EML6: variants seen among roughly 807,000 people sequenced by gnomAD.
EML6 encodes the protein EMAP like 6, also known as echinoderm microtubule-associated protein-like 6.
In EML6, 154 loss-of-function variants were observed where a neutral mutation model predicts 240.1. The observed-to-expected ratio is 0.64, with a 90% CI of 0.56 to 0.73. EML6 has a LOEUF of 0.73. Among genes scored for constraint, EML6 ranks in the 30% least tolerant of loss-of-function variants. The probability of loss-of-function intolerance (pLI) is 0.00; values close to 1 mark genes in which losing one functional copy is unlikely to be tolerated. For missense variants in EML6, 2,964 were observed against 2,474.6 expected (o/e 1.20, Z -4.20); for synonymous variants, 1,148 against 899.0 (o/e 1.28, Z -4.95).
chr2:54,779,442 A>T (rs1668747692), intron 2 of EML6, among the ~76,000 whole-genome samples: 1 of 151,250 alleles, frequency 6.6e-6, no homozygotes, highest in Non-Finnish European at 1.5e-5. Flanking sequence ...GCTACTCTGG[A>T]GGCTGAGGCA....
At chr2:54,880,663 G>A (rs1009991069) in intron 17 of EML6, 5 of 152,090 alleles carry the variant, frequency 3.3e-5, no homozygotes, top group African/African-American at 1.2e-4. Flanking sequence ...CTGCCCAAGT[G>A]GTTTTTCTTC....
At chr2:54,913,106 C>G (rs1673731905) in intron 25 of EML6, among the ~76,000 whole-genome samples, 1 of 143,974 alleles carries the variant, frequency 6.9e-6, no homozygotes, top group Non-Finnish European at 1.5e-5. Context: ...TTAATAATAG[C>G]CATTCTGAAG....
chr2:54,827,212 C>G (rs1473383453), intron 5 of EML6, among the ~76,000 whole-genome samples: 1 of 150,866 alleles, frequency 6.6e-6, no homozygotes, highest in Non-Finnish European at 1.5e-5. Flanking sequence ...TACAATAAAC[C>G]TATACTACTT....
chr2:54,924,427 C>A (rs912653044), intron 26 of EML6, among the ~76,000 whole-genome samples: 1 of 152,054 alleles, frequency 6.6e-6, no homozygotes, highest in African/African-American at 2.4e-5. Flanking sequence ...TTTAAATTAT[C>A]TTTTCATTCT....
intron 38 of EML6, among the ~76,000 whole-genome samples, chr2:54,966,108 A>G (rs1676737048): frequency 1.3e-5 from 2 of 152,252 alleles, no homozygotes; most frequent in African/African-American, 4.8e-5. Context: ...CTTGCTCTAT[A>G]ACAGAGAAGA....
rs540341101 is a variant in EML6, at chr2:54,820,077, G to C, written c.457-317G>C. Among the ~76,000 whole-genome samples, 252 of 152,182 alleles carry C rather than the reference G, an allele frequency of 1.7e-3. 1 individual carries two copies. The highest frequency in any genetic ancestry group is 5.7e-3 in the African/African-American group (238 of 41,526). On this transcript the variant is annotated intron_variant, in intron 4 of 41. Coordinates refer to ENST00000356458, the MANE Select transcript of EML6 (RefSeq NM_001039753.4). ...AGTGTTAGCACTGTGGAGTGCTATT[G>C]AAAAATTTGATCAAAAATTTATCCT...
At chr2:54,895,798 T>G (rs1672732030) in intron 21 of EML6, among the ~76,000 whole-genome samples, 1 of 152,230 alleles carries the variant, frequency 6.6e-6, no homozygotes, top group Non-Finnish European at 1.5e-5. Flanking sequence ...TGCTGGCTGT[T>G]GGCCAGAGGC....
chr2:54,816,753 C>T (rs1323295427), intron 3 of EML6, 34 bp from the exon 4 acceptor site: 1 of 1,439,804 alleles, frequency 6.9e-7, no homozygotes. Flanking sequence ...CTTCCCATCA[C>T]TTTTAGGTAC....
At chr2:54,824,268 T>C (rs968345021) in intron 5 of EML6, among the ~76,000 whole-genome samples, 3 of 152,190 alleles carry the variant, frequency 2.0e-5, no homozygotes, top group Non-Finnish European at 4.4e-5. Context: ...GAGCTACTTA[T>C]CCTGTTTAAA....
intron 12 of EML6, among the ~76,000 whole-genome samples, chr2:54,860,704 T>C (rs1034323464): frequency 2.6e-5 from 4 of 152,216 alleles, no homozygotes; most frequent in African/African-American, 9.6e-5. Context: ...TATGAATGTC[T>C]GTCTAGACCA....
intron 28 of EML6, among the ~76,000 whole-genome samples, chr2:54,939,409 G>A (rs557650075): frequency 7.4e-4 from 112 of 152,326 alleles, no homozygotes; most frequent in African/African-American, 2.3e-3. Flanking sequence ...GGGTCTAGAG[G>A]ATCAGGCAAC....
chr2:54,771,265 C>G (rs1159033620), intron 2 of EML6, among the ~76,000 whole-genome samples: 1 of 152,180 alleles, frequency 6.6e-6, no homozygotes, highest in African/African-American at 2.4e-5. Context: ...GATGAAGTGT[C>G]CCTTGGTATT....
chr2:54,938,505 T>A (rs1381153680), intron 28 of EML6, among the ~76,000 whole-genome samples: 1 of 152,246 alleles, frequency 6.6e-6, no homozygotes, highest in African/African-American at 2.4e-5. Flanking sequence ...TTCTCTGAGA[T>A]GTATTTTATA....
rs1491534470 is a variant in EML6, at chr2:54,823,880, CTG to C, written c.525+3420_525+3421del. Reference sequence around the variant, plus strand: ...TCTCTCTCTCTCTCTCTCTCTCTTTCTGTCTCTCTCTCTCTCTCTCAGAGAGA... The same window carrying C: ...TCTCTCTCTCTCTCTCTCTCTCTTTCTCTCTCTCTCTCTCTCTCAGAGAGA... On this transcript the variant is annotated intron_variant, in intron 5 of 41. Coordinates refer to ENST00000356458, the MANE Select transcript of EML6 (RefSeq NM_001039753.4). 2.8e-3 allele frequency among the ~76,000 whole-genome samples: 411 copies of C among 148,928 alleles called. 18 individuals are homozygous for C. Among genetic ancestry groups the C allele is most frequent in the African/African-American group, 9.4e-3 (374 of 39,726 alleles).
At chr2:54,868,462 T>C (rs1445879400) in intron 14 of EML6, 2 of 152,228 alleles carry the variant, frequency 1.3e-5, no homozygotes, top group Non-Finnish European at 2.9e-5. Context: ...GTTCTCATTT[T>C]TGTATAGATG....
intron 2 of EML6, among the ~76,000 whole-genome samples, chr2:54,811,720 AG>A (rs1667857321): frequency 6.6e-6 from 1 of 152,190 alleles, no homozygotes; most frequent in Non-Finnish European, 1.5e-5. Context: ...CAGCTTAATG[AG>A]CAAACATGGC....
Position 54,948,873 on chromosome 2 carries a change from C to G in EML6, c.4005-9C>G, listed in dbSNP as rs1162931818. On this transcript the variant is annotated splice_polypyrimidine_tract_variant and intron_variant, in intron 28 of 41. Coordinates refer to ENST00000356458, the MANE Select transcript of EML6 (RefSeq NM_001039753.4). ...ATGCTGTGCTTCCTCTGGCCGCTCT[C>G]TCTTCCAGACCACCCGTTAGCCGAG... 3 of 1,550,428 alleles carry G rather than the reference C, an allele frequency of 1.9e-6. No homozygotes were observed. Among genetic ancestry groups the G allele is most frequent in the Non-Finnish European group, 2.6e-6 (3 of 1,146,096 alleles).
chr2:54,850,185 G>A lies in EML6; in HGVS notation c.1411G>A (p.Gly471Ser). The A allele has an allele frequency of 6.4e-7, 1 of 1,551,632 alleles. No individual in the cohort carries two copies. Among genetic ancestry groups the A allele is most frequent in the Non-Finnish European group, 8.7e-7 (1 of 1,146,932 alleles). ...TAGTAAATACTTACAAACTAATGAC[G>A]GTGCAGGAGAACGATTGTTCTACAG... The part of the protein sequence containing the change: ...LDSKYLQTND[G>S]AGERLFYRMP... The change falls in exon 10 of 42, where the codon GGT (glycine) becomes AGT (serine). Residue 471 changes from glycine to serine, a missense_variant. Physicochemically the swap from Gly to Ser is moderately conservative, Grantham distance 56 (BLOSUM62 0). Coordinates refer to ENST00000356458, the MANE Select transcript of EML6 (RefSeq NM_001039753.4).
intron 16 of EML6, among the ~76,000 whole-genome samples, chr2:54,874,320 G>T (rs893379871): frequency 6.6e-6 from 1 of 152,208 alleles, no homozygotes; most frequent in Non-Finnish European, 1.5e-5. Flanking sequence ...CTTCAGATCA[G>T]TGCCTGGGTA....
Sources: gnomAD v4.1 joint callset for allele counts (sites outside exome capture counted in the v4.1 genomes callset) on GRCh38, gnomAD v4.1.1 for gene constraint, MANE v1.5 for transcripts, NCBI Gene and HGNC (gene_info 2026-07-23, HGNC 2026-07-21) for gene names.